Variants in KLHL12 observed in about 807,000 individuals in gnomAD.
KLHL12 encodes the protein kelch-like protein 12.
KLHL12 carries 17 observed loss-of-function variants against 60.8 expected under a neutral mutation model. The ratio of observed to expected loss-of-function variants is 0.28; its 90% CI spans 0.19 to 0.42. The LOEUF is 0.42. KLHL12 is among the 10% of genes least tolerant of loss of function. KLHL12 has a pLI of 1.00. For missense variants in KLHL12, 468 were observed against 722.3 expected (o/e 0.65, Z 4.04); for synonymous variants, 220 against 250.9 (o/e 0.88, Z 1.16).
chr1:202,914,076 A>T (rs1441807761), intron 4 of KLHL12, among the ~76,000 whole-genome samples: 1 of 152,226 alleles, frequency 6.6e-6, no homozygotes, highest in Non-Finnish European at 1.5e-5. Flanking sequence ...GTGATAGAGG[A>T]GTAAAATATG....
chr1:202,914,721 C>A (rs1660467960), intron 4 of KLHL12, among the ~76,000 whole-genome samples: 1 of 151,950 alleles, frequency 6.6e-6, no homozygotes, highest in Non-Finnish European at 1.5e-5. Context: ...CAAAAATTAG[C>A]CAGGTGTGGT....
chr1:202,902,534 T>C (rs1660044258), intron 6 of KLHL12, among the ~76,000 whole-genome samples: 2 of 152,208 alleles, frequency 1.3e-5, no homozygotes, highest in Non-Finnish European at 2.9e-5. Flanking sequence ...ATAACTCTTT[T>C]AGTACATGGT....
At chr1:202,897,149 C>T (rs1362852861) in intron 6 of KLHL12, among the ~76,000 whole-genome samples, 189 bp from the exon 7 acceptor site, 1 of 151,256 alleles carries the variant, frequency 6.6e-6, no homozygotes, top group African/African-American at 2.4e-5. Flanking sequence ...CTGTAGCTCT[C>T]GAGTCTCTGA....
chr1:202,908,827 G>A (rs979337072), intron 6 of KLHL12, among the ~76,000 whole-genome samples, 183 bp downstream of exon 6: 4 of 152,140 alleles, frequency 2.6e-5, no homozygotes, highest in Non-Finnish European at 4.4e-5. Context: ...AGTAGATAGA[G>A]AAGACATCCT....
intron 6 of KLHL12, among the ~76,000 whole-genome samples, chr1:202,908,631 T>A (rs1660266235): frequency 6.6e-6 from 1 of 152,018 alleles, no homozygotes; most frequent in South Asian, 2.1e-4. Context: ...AAAAACCACA[T>A]AAGGGGAAGT....
At chr1:202,926,064 C>T (rs930555049) in intron 1 of KLHL12, among the ~76,000 whole-genome samples, 3 of 149,486 alleles carry the variant, frequency 2.0e-5, no homozygotes, top group African/African-American at 5.0e-5. Flanking sequence ...GAGATCACAC[C>T]ACTGCACTCC....
chr1:202,920,611 C>T (rs947316921), intron 2 of KLHL12, among the ~76,000 whole-genome samples: 8 of 151,548 alleles, frequency 5.3e-5, no homozygotes, highest in African/African-American at 1.5e-4. Flanking sequence ...CTCCTCACCT[C>T]GTGATCCGCC....
intron 4 of KLHL12, among the ~76,000 whole-genome samples, chr1:202,911,611 C>T (rs1159427377): frequency 6.6e-6 from 1 of 151,994 alleles, no homozygotes; most frequent in Non-Finnish European, 1.5e-5. Flanking sequence ...TTGCCTTATT[C>T]GAAGTCAGCT....
Position 202,895,653 on chromosome 1 carries a change from C to A in KLHL12, c.1004G>T (p.Gly335Val). 6.2e-7 allele frequency: 1 copy of A among 1,614,114 alleles called. No homozygotes were observed. Residue 335 changes from glycine (G) to valine (V), a missense_variant, in exon 8 of 12, where the codon GGT becomes GTT. Gly to Val is a moderately radical substitution (Grantham distance 109). Around this residue, in one of 4 missense-constraint regions of KLHL12, gnomAD observed 339 missense variants for 525.0 expected, o/e 0.65. Transcript: ENST00000367261. The surrounding 1 kb of genome is among the most constrained non-coding windows in gnomAD (Gnocchi z 4.2). ...VSLHDRIYVI[G>V]GYDGRSRLSS... Reference sequence around the variant, plus strand: ...AAGGCGGGAACGGCCATCATAGCCACCAATGACGTAGATCCGGTCATGAAG... The same window carrying A: ...AAGGCGGGAACGGCCATCATAGCCAACAATGACGTAGATCCGGTCATGAAG...
intron 4 of KLHL12, among the ~76,000 whole-genome samples, chr1:202,913,824 C>T (rs1343895545): frequency 6.6e-6 from 1 of 152,176 alleles, no homozygotes; most frequent in Non-Finnish European, 1.5e-5. Context: ...ATACACTACC[C>T]ATGCGTGGCT....
rs116408835 is a variant in KLHL12, at chr1:202,896,027, G to C, written c.940-310C>G. ...TCTTCCATAAGGCACTGGGCTAAGA[G>C]ACTGATATCCTTCCATAAAGTAGAA... On this transcript the variant is annotated intron_variant, in intron 7 of 11. Coordinates refer to ENST00000367261, the MANE Select transcript of KLHL12 (RefSeq NM_021633.4). 4.3e-3 allele frequency among the ~76,000 whole-genome samples: 650 copies of C among 152,278 alleles called. 3 individuals carry two copies. Among genetic ancestry groups the C allele is most frequent in the African/African-American group, 0.015 (625 of 41,534 alleles).
intron 6 of KLHL12, among the ~76,000 whole-genome samples, chr1:202,903,137 G>A (rs1308816855): frequency 2.3e-5 from 3 of 133,124 alleles, no homozygotes; most frequent in Non-Finnish European, 3.1e-5. Flanking sequence ...TCTAGCCTAG[G>A]AGCCAGAGTG....
intron 10 of KLHL12, 143 bp downstream of exon 10, chr1:202,894,041 C>A: frequency 1.8e-6 from 1 of 563,754 alleles, no homozygotes; most frequent in Non-Finnish European, 3.2e-6. Flanking sequence ...TGTCTTTATC[C>A]TAGTATTTAG....
In KLHL12 at chr1:202,897,186, C is replaced by T. The variant is rs1039199609; in HGVS notation, c.833-226G>A. Among the ~76,000 whole-genome samples, 24 of 149,422 alleles carry T rather than the reference C, an allele frequency of 1.6e-4. 1 individual carries two copies. Among genetic ancestry groups the T allele is most frequent in the African/African-American group, 5.9e-4 (24 of 40,568 alleles). ...ACTTAAATTTCTGGACATTAAAACT[C>T]TAGAAAGCAAACTTCAACATGACAC... is the stretch of plus-strand genomic sequence containing the variant. On this transcript the variant is annotated intron_variant, in intron 6 of 11. Coordinates refer to ENST00000367261, the MANE Select transcript of KLHL12 (RefSeq NM_021633.4).
intron 6 of KLHL12, among the ~76,000 whole-genome samples, chr1:202,904,020 C>T (rs1433061748): frequency 6.6e-6 from 1 of 150,540 alleles, no homozygotes; most frequent in African/African-American, 2.5e-5. Context: ...ATCTATTTAT[C>T]TATCTATCTA....
At chr1:202,927,043 G>A in intron 1 of KLHL12, 46 bp downstream of exon 1, 10 of 984,296 alleles carry the variant, frequency 1.0e-5, no homozygotes, top group Non-Finnish European at 1.2e-5. Context: ...CGGAGTTGAC[G>A]GACAGGAAGG....
At chr1:202,906,121 C>G (rs1276799681) in intron 6 of KLHL12, among the ~76,000 whole-genome samples, 1 of 145,656 alleles carries the variant, frequency 6.9e-6, no homozygotes, top group Non-Finnish European at 1.5e-5. Context: ...GCCCGGCCAC[C>G]CAACCCAATT....
At chr1:202,911,512 C>T (rs893969148) in intron 4 of KLHL12, among the ~76,000 whole-genome samples, 2 of 151,904 alleles carry the variant, frequency 1.3e-5, no homozygotes, top group Admixed American at 6.6e-5. Context: ...TCACCAGTCA[C>T]GTATTGGCCT....
chr1:202,893,898 A>G lies in KLHL12; in HGVS notation c.1393+286T>C, dbSNP rs1476996764. On this transcript the variant is annotated intron_variant, in intron 10 of 11. Transcript: ENST00000367261. The surrounding 1 kb of genome is among the most constrained non-coding windows in gnomAD (Gnocchi z 4.1). ...ACTCTTTTGTCCTTATGCATTAGAG[A>G]CTTTATTTAACAGATATTTATTAAG... Among the ~76,000 whole-genome samples, 1 of 152,190 alleles carries G rather than the reference A, an allele frequency of 6.6e-6. No individual in the cohort carries two copies. The highest frequency in any genetic ancestry group is 1.5e-5 in the Non-Finnish European group (1 of 68,040).
Sources: gnomAD v4.1 joint callset for allele counts (sites outside exome capture counted in the v4.1 genomes callset) on GRCh38, gnomAD v4.1.1 for gene constraint, gnomAD v4.1.1 regional missense constraint, Gnocchi (gnomAD v3.1) non-coding constraint, MANE v1.5 for transcripts, NCBI Gene and HGNC (gene_info 2026-07-23, HGNC 2026-07-21) for gene names.